TNC: variants seen among roughly 807,000 people sequenced by gnomAD.
The protein encoded by TNC is tenascin.
TNC carries 109 observed loss-of-function variants against 202.4 expected under a neutral mutation model. The ratio of observed to expected loss-of-function variants is 0.54; its 90% confidence interval spans 0.46 to 0.63. The LOEUF (loss-of-function observed/expected upper bound fraction) is 0.63. Ranked by LOEUF, TNC falls within the 30% of genes least tolerant of loss-of-function variation. The probability of loss-of-function intolerance (pLI) is 0.00; values close to 1 mark genes in which losing one functional copy is unlikely to be tolerated. For missense variants in TNC, 2,756 were observed against 2,833.3 expected (o/e 0.97, Z 0.62); for synonymous variants, 1,007 against 1,089.7 (o/e 0.92, Z 1.50).
chr9:115,047,229 C>G (rs1443974676), intron 16 of TNC, among the ~76,000 whole-genome samples: 1 of 144,458 alleles, frequency 6.9e-6, no homozygotes, highest in Non-Finnish European at 1.5e-5. Flanking sequence ...AAAGAAGGCT[C>G]CTACCCTTGA....
Position 115,087,123 on chromosome 9 carries a change from C to G in TNC, c.608G>C (p.Gly203Ala). The part of the protein sequence containing the change: ...NCHLRGRCID[G>A]QCICDDGFTG... ...GAAGCCGTCGTCACAGATGCACTGC[C>G]CATCAATGCACCGGCCTCGAAGGTG... The change falls in exon 3 of 28, where the codon GGG (glycine) becomes GCG (alanine). Residue 203 changes from glycine to alanine, a missense_variant. By Grantham distance (60) the Gly-to-Ala change is moderately conservative. This residue lies in a region of TNC where 2,559 missense variants were observed against 2,546.0 expected (regional missense o/e 1.01). Transcript: ENST00000350763. 1.9e-6 allele frequency: 3 copies of G among 1,614,236 alleles called. No individual in the cohort carries two copies. The highest frequency in any genetic ancestry group is 2.5e-6 in the Non-Finnish European group (3 of 1,180,052).
At chr9:115,108,226 T>TA (rs1836762708) in intron 1 of TNC, among the ~76,000 whole-genome samples, 1 of 152,220 alleles carries the variant, frequency 6.6e-6, no homozygotes, top group Non-Finnish European at 1.5e-5. Context: ...GCAGTCCCTT[T>TA]AAAATCTATG....
At chr9:115,069,654 C>CCTCCCTT (rs1833246748) in intron 10 of TNC, among the ~76,000 whole-genome samples, 1 of 10,444 alleles carries the variant, frequency 9.6e-5, no homozygotes. Flanking sequence ...CTCCCTCCCT[C>CCTCCCTT]CCTCCCTCCC....
chr9:115,067,617 G>A (rs139484622), intron 10 of TNC, among the ~76,000 whole-genome samples: 6 of 152,278 alleles, frequency 3.9e-5, no homozygotes, highest in Admixed American at 2.6e-4. Flanking sequence ...AAAGATGCAC[G>A]TTGGAAAATG....
At chr9:115,034,806 A>C (rs1830196337) in intron 22 of TNC, among the ~76,000 whole-genome samples, 1 of 152,240 alleles carries the variant, frequency 6.6e-6, no homozygotes, top group Non-Finnish European at 1.5e-5. Context: ...TGGTATTAAC[A>C]GTTGATATCA....
chr9:115,027,359 G>A (rs1829584200), intron 25 of TNC, among the ~76,000 whole-genome samples: 1 of 151,970 alleles, frequency 6.6e-6, no homozygotes, highest in Non-Finnish European at 1.5e-5. Context: ...GGAGGCCAAG[G>A]TGGGCGGATC....
In TNC at chr9:115,048,379, G is replaced by C. The variant is rs777641975; in HGVS notation, c.4733C>G (p.Ser1578Ter). ...AAGCTCCAGCTTCCTCTGGGTTCCT[G>C]AAAGTGTGAATTCCTGGGGGTCCAG... ...KLLDPQEFTL[S>*]GTQRKLELRG... The change falls in exon 16 of 28, where the codon TCA (serine) becomes TGA (stop). Residue 1578 changes from serine to a stop codon, truncating the protein, a stop_gained. Coordinates refer to ENST00000350763, the MANE Select transcript of TNC (RefSeq NM_002160.4). LOFTEE classifies it high-confidence loss of function. 2 of 1,614,076 alleles carry C rather than the reference G, an allele frequency of 1.2e-6. No homozygotes were observed. The highest frequency in any genetic ancestry group is 1.7e-6 in the Non-Finnish European group (2 of 1,179,990).
At chr9:115,021,571 C>T (rs1829074735) in intron 27 of TNC, among the ~76,000 whole-genome samples, 1 of 152,112 alleles carries the variant, frequency 6.6e-6, no homozygotes, top group African/African-American at 2.4e-5. Context: ...ATGAAATCTG[C>T]CGTCCTTAGG....
At chr9:115,094,014 G>A (rs1414524657) in intron 1 of TNC, among the ~76,000 whole-genome samples, 2 of 152,150 alleles carry the variant, frequency 1.3e-5, no homozygotes, top group African/African-American at 4.8e-5. Flanking sequence ...GCATACCTGG[G>A]TTCAAATGTC....
chr9:115,030,837 T>C (rs1363821575), intron 23 of TNC, among the ~76,000 whole-genome samples: 1 of 152,230 alleles, frequency 6.6e-6, no homozygotes, highest in East Asian at 1.9e-4. Context: ...TCCTCAGGAA[T>C]GGATGCCACT....
At chr9:115,056,009 A>G (rs1394414117) in intron 15 of TNC, among the ~76,000 whole-genome samples, 1 of 152,096 alleles carries the variant, frequency 6.6e-6, no homozygotes. Flanking sequence ...TCTCTGCCTT[A>G]TCCATGGATC....
chr9:115,069,720 CT>C (rs1833287634), intron 10 of TNC, among the ~76,000 whole-genome samples: 1 of 11,602 alleles, frequency 8.6e-5, no homozygotes, highest in Admixed American at 7.3e-4. Context: ...TCCTTCCTTC[CT>C]TCCTTCCTCC....
At chr9:115,079,825 C>T (rs1282070842) in intron 6 of TNC, among the ~76,000 whole-genome samples, 1 of 152,182 alleles carries the variant, frequency 6.6e-6, no homozygotes, top group East Asian at 1.9e-4. Flanking sequence ...CAACACCTCT[C>T]AAACATATTG....
At chr9:115,040,377 T>A (rs937497931) in intron 19 of TNC, among the ~76,000 whole-genome samples, 12 of 152,200 alleles carry the variant, frequency 7.9e-5, no homozygotes, top group African/African-American at 2.2e-4. Flanking sequence ...AGAGAGGAGC[T>A]GTTTTGTAGC....
intron 1 of TNC, among the ~76,000 whole-genome samples, chr9:115,105,055 T>G (rs973802167): frequency 6.6e-6 from 1 of 152,164 alleles, no homozygotes; most frequent in East Asian, 1.9e-4. Context: ...CCTGCTTGAG[T>G]GGGATTTGCA....
At chr9:115,051,572 A>AT (rs1221090971) in intron 15 of TNC, among the ~76,000 whole-genome samples, 39 of 106,236 alleles carry the variant, frequency 3.7e-4, no homozygotes, top group East Asian at 1.2e-3. Context: ...TGGTAAATGC[A>AT]TTTTTTTTTT....
chr9:115,045,113 G>A (rs1325637135), intron 17 of TNC, among the ~76,000 whole-genome samples: 1 of 152,116 alleles, frequency 6.6e-6, no homozygotes, highest in Non-Finnish European at 1.5e-5. Context: ...CTGGTCCTCA[G>A]AGTCTTCATG....
chr9:115,024,464 C>G (rs1377462005), intron 26 of TNC, among the ~76,000 whole-genome samples: 1 of 152,170 alleles, frequency 6.6e-6, no homozygotes, highest in African/African-American at 2.4e-5. Context: ...CTCATCTATA[C>G]AATGGAACCA....
At chr9:115,113,352 C>T (rs952685828) in intron 1 of TNC, among the ~76,000 whole-genome samples, 3 of 152,282 alleles carry the variant, frequency 2.0e-5, no homozygotes, top group South Asian at 4.1e-4. Context: ...GCTACTTAAA[C>T]GTTTTCAGCC....
Sources: gnomAD v4.1 joint callset for allele counts (sites outside exome capture counted in the v4.1 genomes callset) on GRCh38, gnomAD v4.1.1 for gene constraint, gnomAD v4.1.1 regional missense constraint, MANE v1.5 for transcripts, NCBI Gene and HGNC (gene_info 2026-07-23, HGNC 2026-07-21) for gene names.